Variants in GSE1 observed in about 807,000 individuals in gnomAD.
The protein encoded by GSE1 is Gse1 coiled-coil protein.
A neutral mutation model predicts 112.6 loss-of-function variants in GSE1; 32 were observed. The observed-to-expected ratio is 0.28, with a 90% confidence interval of 0.21 to 0.38. GSE1 has a LOEUF of 0.38. Among genes scored for constraint, GSE1 ranks in the 10% least tolerant of loss-of-function variants. The pLI is 1.00. For synonymous variants in GSE1, 1,115 were observed against 735.6 expected (o/e 1.52, Z -8.35); for missense variants, 2,348 against 1,699.2 (o/e 1.38, Z -6.71).
In GSE1 at chr16:85,509,250, G is replaced by A. The variant is rs565490740; in HGVS notation, c.2465-124664G>A. 3.3e-5 allele frequency among the ~76,000 whole-genome samples: 5 copies of A among 152,336 alleles called. No homozygotes were observed. The East Asian group carries it at 7.7e-4, about 23-fold the overall frequency. On this transcript the variant is annotated intron_variant, in intron 2 of 2. Transcript: ENST00000637419. ...GCAGGAAGGGTTGGATCCATGCCAG[G>A]GACAGCTTTGGGCGGCGGTAACAAG...
At chr16:85,175,720 G>T (rs1361642875) in intron 1 of GSE1, among the ~76,000 whole-genome samples, 2 of 152,180 alleles carry the variant, frequency 1.3e-5, no homozygotes, top group Non-Finnish European at 2.9e-5. Flanking sequence ...ATTTGGGGAC[G>T]TGATAATGCG....
At chr16:85,375,698 G>C (rs978651553) in intron 2 of GSE1, among the ~76,000 whole-genome samples, 4 of 150,760 alleles carry the variant, frequency 2.7e-5, no homozygotes, top group Non-Finnish European at 5.9e-5. Context: ...AGCGCCATGA[G>C]CCCAGGCTGG....
upstream of GSE1, chr16:85,613,089 C>A: frequency 1.4e-6 from 1 of 727,636 alleles, no homozygotes; most frequent in Non-Finnish European, 2.0e-6. Flanking sequence ...TGGATCCGGG[C>A]GCCCGTCGGT....
intron 2 of GSE1, among the ~76,000 whole-genome samples, chr16:85,530,870 C>T (rs921518267): frequency 6.6e-6 from 1 of 152,252 alleles, no homozygotes; most frequent in Non-Finnish European, 1.5e-5. Context: ...GGATTCTCTT[C>T]TTGCAGCCTC....
chr16:85,228,766 T>C (rs1263973626), intron 1 of GSE1, among the ~76,000 whole-genome samples: 1 of 152,170 alleles, frequency 6.6e-6, no homozygotes, highest in Non-Finnish European at 1.5e-5. Flanking sequence ...TGACATATGC[T>C]TGAGCCCAGA....
chr16:85,171,414 G>T, exon 1 of GSE1: 4 of 985,520 alleles, frequency 4.1e-6, no homozygotes, highest in Non-Finnish European at 4.8e-6. Flanking sequence ...CCGTGTACCC[G>T]CCTGCCCCTC....
At chr16:85,376,306 C>T (rs1417617845) in intron 2 of GSE1, among the ~76,000 whole-genome samples, 2 of 152,202 alleles carry the variant, frequency 1.3e-5, no homozygotes, top group African/African-American at 2.4e-5. Context: ...AGCTCGACCT[C>T]GGTTAGTCCT....
At chr16:85,283,216 C>G (rs2044907855) in intron 1 of GSE1, 1 of 152,922 alleles carries the variant, frequency 6.5e-6, no homozygotes, top group Admixed American at 6.5e-5. Flanking sequence ...GGCCCGGCCA[C>G]ACAGGTTCCT....
intron 2 of GSE1, among the ~76,000 whole-genome samples, chr16:85,481,579 G>A (rs1389876092): frequency 1.3e-5 from 2 of 152,198 alleles, no homozygotes; most frequent in East Asian, 1.9e-4. Context: ...CTTCTGTCCT[G>A]TGTGTGTGCC....
intron 1 of GSE1, among the ~76,000 whole-genome samples, chr16:85,232,546 C>T (rs552166153): frequency 1.3e-5 from 2 of 151,984 alleles, no homozygotes; most frequent in Non-Finnish European, 2.9e-5. Flanking sequence ...ATGGATAGAC[C>T]CTCCAGAGCC....
chr16:85,436,171 A>G (rs2151769662), intron 2 of GSE1, among the ~76,000 whole-genome samples: 1 of 151,694 alleles, frequency 6.6e-6, no homozygotes, highest in African/African-American at 2.4e-5. Context: ...AGCTCCTTGA[A>G]CTTCCTGTTC....
Position 85,419,953 on chromosome 16 carries a change from G to A in GSE1, c.2464+62310G>A, listed in dbSNP as rs1469465143. Among the ~76,000 whole-genome samples, 3 of 152,324 alleles carry A rather than the reference G, an allele frequency of 2.0e-5. No individual in the cohort carries two copies. The highest frequency in any genetic ancestry group is 3.4e-3 in the Middle Eastern group (1 of 294). On this transcript the variant is annotated intron_variant, in intron 2 of 2. Coordinates refer to the GSE1 transcript ENST00000637419. This position sits in a 1 kb window ranked among gnomAD's most constrained non-coding sequence, Gnocchi z 6.5. ...CAGGGGCAAAGTCTGAGCTAGGAAG[G>A]CCCCTCTGAGGCCCAGCTGGCAGTT...
intron 1 of GSE1, among the ~76,000 whole-genome samples, chr16:85,590,417 G>T (rs1389906878): frequency 6.6e-6 from 1 of 151,620 alleles, no homozygotes; most frequent in Non-Finnish European, 1.5e-5. Context: ...GTGTGAACAT[G>T]TGGGCCCGCG....
At chr16:85,618,910 C>T (rs567431828) in intron 1 of GSE1, among the ~76,000 whole-genome samples, 1 of 152,228 alleles carries the variant, frequency 6.6e-6, no homozygotes, top group African/African-American at 2.4e-5. Flanking sequence ...GTGATCCTTC[C>T]GTCTCAGCCT....
exon 1 of GSE1, chr16:85,169,765 G>T: frequency 1.0e-6 from 1 of 983,880 alleles, no homozygotes; most frequent in Non-Finnish European, 1.2e-6. Flanking sequence ...GTCCCCGGCC[G>T]ACGGCTGCGT....
rs527651643 is a variant in GSE1 at position 85,196,728 on chromosome 16, C to T, written c.2283+24921C>T. 4.3e-4 allele frequency among the ~76,000 whole-genome samples: 65 copies of T among 152,258 alleles called. 1 individual carries two copies. The highest frequency in any genetic ancestry group is 3.1e-3 in the South Asian group (15 of 4,812). On this transcript the variant is annotated intron_variant, in intron 1 of 2. Transcript: ENST00000637419. ...TGCTATCCTTCTTTGCCAAGGCTCC[C>T]TGTGTTGGGAGGGAGTCCCATTAGG...
intron 2 of GSE1, among the ~76,000 whole-genome samples, chr16:85,513,672 G>A (rs1229503274): frequency 1.3e-5 from 2 of 152,102 alleles, no homozygotes; most frequent in African/African-American, 2.4e-5. Context: ...AAGGAATCCC[G>A]CCTGAATCTC....
chr16:85,576,856 G>A (rs998297160), intron 1 of GSE1, among the ~76,000 whole-genome samples: 17 of 152,162 alleles, frequency 1.1e-4, no homozygotes, highest in Admixed American at 5.2e-4. Context: ...GATTAGACAC[G>A]GGGACCCTGG....
At chr16:85,457,251 A>T (rs1413553969) in intron 2 of GSE1, among the ~76,000 whole-genome samples, 1 of 152,216 alleles carries the variant, frequency 6.6e-6, no homozygotes, top group Non-Finnish European at 1.5e-5. Context: ...GGGCAAGGTC[A>T]GGAACCCAGA....
Sources: gnomAD v4.1 joint callset for allele counts (sites outside exome capture counted in the v4.1 genomes callset) on GRCh38, gnomAD v4.1.1 for gene constraint, Gnocchi (gnomAD v3.1) non-coding constraint, MANE v1.5 for transcripts, NCBI Gene and HGNC (gene_info 2026-07-23, HGNC 2026-07-21) for gene names.